The following BICRAL variants were observed in gnomAD, a reference collection of about 807,000 sequenced individuals.
The protein encoded by BICRAL is BRD4-interacting chromatin-remodeling complex-associated protein-like.
BICRAL carries 8 observed loss-of-function variants against 91.8 expected under a neutral mutation model. The observed-to-expected ratio is 0.09, with a 90% CI of 0.05 to 0.16. The LOEUF (loss-of-function observed/expected upper bound fraction) is 0.16, where lower values mean the gene tolerates loss of function less well. Among genes scored for constraint, BICRAL ranks in the 10% least tolerant of loss-of-function variants. The pLI, the probability that BICRAL is intolerant of heterozygous loss-of-function variation, is 1.00. For synonymous variants in BICRAL, 445 were observed against 491.1 expected (o/e 0.91, Z 1.24); for missense variants, 1,038 against 1,310.9 (o/e 0.79, Z 3.21).
intron 1 of BICRAL, among the ~76,000 whole-genome samples, chr6:42,808,978 T>C (rs1763783218): frequency 6.6e-6 from 1 of 151,902 alleles, no homozygotes. Flanking sequence ...CCCTTCATGG[T>C]TGGTCACTCT....
rs750203244 is a variant in BICRAL, at chr6:42,857,230, A to C, written c.2248A>C (p.Arg750=). 10 of 1,612,838 alleles carry C rather than the reference A, an allele frequency of 6.2e-6. No individual in the cohort carries two copies. Among genetic ancestry groups the C allele is most frequent in the Middle Eastern group, 1.6e-4 (1 of 6,068 alleles). ...QGSMPTEEDL[R]KVDNEFETVA... is the part of the protein sequence containing the mutation. Reference sequence around the variant, plus strand: ...CTCCATGCCCACTGAAGAAGACTTGAGAAAAGGTAAGCAGGCTGGGACCCT... The same window carrying C: ...CTCCATGCCCACTGAAGAAGACTTGCGAAAAGGTAAGCAGGCTGGGACCCT... The change falls in exon 10 of 13, where the codon AGA becomes CGA. Residue 750 remains arginine, a synonymous_variant. Transcript: ENST00000314073.
intron 5 of BICRAL, among the ~76,000 whole-genome samples, chr6:42,824,158 G>C (rs1032444204): frequency 6.6e-6 from 1 of 151,940 alleles, no homozygotes; most frequent in Admixed American, 6.6e-5. Flanking sequence ...TTGAACCAGG[G>C]AGTTGGAGGT....
intron 10 of BICRAL, among the ~76,000 whole-genome samples, chr6:42,859,392 A>G (rs75646319): frequency 1.4e-5 from 2 of 144,336 alleles, no homozygotes; most frequent in Non-Finnish European, 3.1e-5. Flanking sequence ...ACTCTGTCTC[A>G]AAAAAAAAAA....
At chr6:42,782,299 A>G (rs1224168394) in intron 1 of BICRAL, among the ~76,000 whole-genome samples, 198 bp downstream of exon 1, 4 of 123,002 alleles carry the variant, frequency 3.3e-5, no homozygotes, top group Non-Finnish European at 6.4e-5. Flanking sequence ...ATTAGGTTTC[A>G]GCCCAGAGAG....
chr6:42,828,443 T>A, intron 5 of BICRAL, 50 bp from the exon 6 acceptor site: 3 of 1,419,126 alleles, frequency 2.1e-6, no homozygotes, highest in South Asian at 1.3e-5. Context: ...TTTTTATGCA[T>A]CCTTTTCAAA....
chr6:42,841,175 T>G (rs1347754529), intron 6 of BICRAL, among the ~76,000 whole-genome samples: 5 of 145,620 alleles, frequency 3.4e-5, no homozygotes, highest in Non-Finnish European at 6.0e-5. Context: ...GAATGATCAC[T>G]CTTGAATATT....
intron 6 of BICRAL, among the ~76,000 whole-genome samples, chr6:42,834,650 A>ATTG (rs1764589983): frequency 6.6e-6 from 1 of 152,104 alleles, no homozygotes; most frequent in Non-Finnish European, 1.5e-5. Flanking sequence ...ATTGTATAAA[A>ATTG]TATATTGTAT....
At chr6:42,785,198 G>A (rs904548703) in intron 1 of BICRAL, among the ~76,000 whole-genome samples, 5 of 152,078 alleles carry the variant, frequency 3.3e-5, no homozygotes, top group South Asian at 2.1e-4. Flanking sequence ...CTATTGAGAA[G>A]TTATACAACA....
chr6:42,747,409 T>C (rs1032322021), intron 1 of BICRAL, among the ~76,000 whole-genome samples: 1 of 152,200 alleles, frequency 6.6e-6, no homozygotes, highest in Non-Finnish European at 1.5e-5. Context: ...CCCAAGAAAC[T>C]TGAAATTTCA....
chr6:42,762,574 C>T (rs1379600568), intron 1 of BICRAL, among the ~76,000 whole-genome samples: 1 of 152,072 alleles, frequency 6.6e-6, no homozygotes, highest in African/African-American at 2.4e-5. Context: ...TTGTAAGTTC[C>T]TGGAGGGATG....
chr6:42,846,400 T>TAAA (rs1427838168), intron 6 of BICRAL, among the ~76,000 whole-genome samples: 1 of 151,494 alleles, frequency 6.6e-6, no homozygotes, highest in African/African-American at 2.4e-5. Context: ...GTTAAATAAA[T>TAAA]AAATAAATAA....
intron 1 of BICRAL, among the ~76,000 whole-genome samples, chr6:42,764,221 G>A (rs1166240538): frequency 3.6e-5 from 5 of 139,092 alleles, no homozygotes; most frequent in African/African-American, 1.1e-4. Flanking sequence ...CAGCCTGGGC[G>A]ACAGAGCAAG....
intron 7 of BICRAL, chr6:42,852,588 G>A (rs1765222792): frequency 2.8e-6 from 1 of 359,478 alleles, no homozygotes; most frequent in Non-Finnish European, 5.5e-6. Context: ...CTTGAACCCG[G>A]GAGGCAGAGC....
chr6:42,758,822 C>T (rs1762500466), intron 1 of BICRAL, among the ~76,000 whole-genome samples: 1 of 152,050 alleles, frequency 6.6e-6, no homozygotes, highest in South Asian at 2.1e-4. Context: ...GGAGTACCCA[C>T]TATGTTCTAG....
chr6:42,851,877 G>T (rs1765194839), intron 6 of BICRAL, among the ~76,000 whole-genome samples: 1 of 152,154 alleles, frequency 6.6e-6, no homozygotes, highest in Non-Finnish European at 1.5e-5. Flanking sequence ...CCGCTGAATG[G>T]CATCAGGAAA....
rs1400852950 is a variant in BICRAL, at chr6:42,836,510, A to G, written c.1839+6338A>G. Among the ~76,000 whole-genome samples, 11 of 152,160 alleles carry G rather than the reference A, an allele frequency of 7.2e-5. No homozygotes were observed. In the East Asian group the frequency reaches 2.1e-3, roughly 29 times the overall value. ...ACCCCAGGTTTATTAAAATTAAGGAACATACCCTTGGGTACACAATTAGTT... is the reference window on the plus strand; with the variant it reads ...ACCCCAGGTTTATTAAAATTAAGGAGCATACCCTTGGGTACACAATTAGTT... On this transcript the variant is annotated intron_variant, in intron 6 of 12. Transcript: ENST00000314073.
intron 6 of BICRAL, among the ~76,000 whole-genome samples, chr6:42,839,728 T>C (rs905343407): frequency 6.6e-6 from 1 of 152,232 alleles, no homozygotes; most frequent in African/African-American, 2.4e-5. Context: ...TATATTGTAA[T>C]TTATTGTGTT....
intron 2 of BICRAL, among the ~76,000 whole-genome samples, chr6:42,820,651 A>G (rs1764111377): frequency 6.6e-6 from 1 of 152,180 alleles, no homozygotes; most frequent in African/African-American, 2.4e-5. Context: ...GAGTTCTAAA[A>G]AGCAGATTTC....
rs1298148570 is a variant in BICRAL, at chr6:42,753,621, G to GT, written c.-261+6606dup. On this transcript the variant is annotated intron_variant, in intron 1 of 14. Transcript: ENST00000614467. ...ATTGCACTGTTGTTTGAACTTGTTT[G>GT]TTTTTTTTCAGACAGGGTCTCACTC... 2.6e-5 allele frequency among the ~76,000 whole-genome samples: 4 copies of GT among 151,924 alleles called. No individual in the cohort carries two copies. The East Asian group carries it at 7.7e-4, about 29-fold the overall frequency.
Sources: allele counts gnomAD v4.1 joint callset (sites outside exome capture counted in the v4.1 genomes callset), GRCh38; gene constraint gnomAD v4.1.1; transcripts MANE v1.5; gene names NCBI Gene and HGNC (gene_info 2026-07-23, HGNC 2026-07-21).